Variants in SLC49A4 observed in about 807,000 individuals in gnomAD.
SLC49A4 encodes solute carrier family 49 member 4, also known as disrupted in renal cancer protein 2.
Under a neutral mutation model 50.6 loss-of-function variants are expected in SLC49A4, and 36 were observed. The observed-to-expected ratio is 0.71, with a 90% CI of 0.55 to 0.94. SLC49A4 has a LOEUF of 0.94. SLC49A4 is among the 40% of genes least tolerant of loss of function. SLC49A4 has a pLI of 0.00. For missense variants in SLC49A4, 503 were observed against 605.7 expected, an observed-to-expected ratio of 0.83 and a Z score of 1.78; for synonymous variants, 248 against 241.2, an observed-to-expected ratio of 1.03 and a Z score of -0.26.
intron 5 of SLC49A4, among the ~76,000 whole-genome samples, chr3:122,847,111 G>A (rs1478215834): frequency 6.6e-6 from 1 of 152,088 alleles, no homozygotes; most frequent in Non-Finnish European, 1.5e-5. Context: ...TAGAATCAAG[G>A]ACCATGCCCT....
intron 8 of SLC49A4, among the ~76,000 whole-genome samples, chr3:122,874,626 A>C (rs1232118391): frequency 2.0e-5 from 3 of 152,228 alleles, no homozygotes; most frequent in Non-Finnish European, 4.4e-5. Flanking sequence ...TTTTAGATTC[A>C]AGGAGTACAT....
At chr3:122,848,296 C>T (rs1936883846) in intron 5 of SLC49A4, among the ~76,000 whole-genome samples, 1 of 152,010 alleles carries the variant, frequency 6.6e-6, no homozygotes, top group African/African-American at 2.4e-5. Context: ...GTAAGCAAGT[C>T]TCCTTATATA....
chr3:122,848,293 A>G (rs745503997), intron 5 of SLC49A4, among the ~76,000 whole-genome samples: 1 of 152,110 alleles, frequency 6.6e-6, no homozygotes, highest in Non-Finnish European at 1.5e-5. Context: ...GTTGTAAGCA[A>G]GTCTCCTTAT....
At chr3:122,868,181 C>T (rs541489494) in intron 7 of SLC49A4, among the ~76,000 whole-genome samples, 9 of 151,374 alleles carry the variant, frequency 5.9e-5, no homozygotes, top group East Asian at 1.9e-4. Context: ...TGGTTTTTTA[C>T]GGGCACAAGG....
chr3:122,806,922 C>T lies in SLC49A4; in HGVS notation c.409C>T (p.Pro137Ser), dbSNP rs1350561973. ...MVLGTGLRCI[P>S]ISDLILKRRL... is the part of the protein sequence containing the mutation. The stretch of plus-strand genomic sequence containing the variant: ...TTTGGGAACTGGTCTAAGATGCATA[C>T]CTATATCAGACTTAATCCTTAAAAG... Residue 137 changes from proline to serine, a missense_variant, in exon 2 of 9, where the codon CCT becomes TCT. Pro to Ser is a moderately conservative substitution (Grantham distance 74). Coordinates refer to ENST00000261038, the MANE Select transcript of SLC49A4 (RefSeq NM_032839.3). 1.2e-6 allele frequency: 2 copies of T among 1,603,686 alleles called. No homozygotes were observed. Among genetic ancestry groups the T allele is most frequent in the East Asian group, 4.5e-5 (2 of 44,670 alleles).
intron 5 of SLC49A4, among the ~76,000 whole-genome samples, chr3:122,853,057 G>A (rs980668991): frequency 1.6e-4 from 24 of 152,150 alleles, no homozygotes; most frequent in Non-Finnish European, 3.2e-4. Flanking sequence ...TTTAGACTGG[G>A]TAATTTATAA....
chr3:122,825,899 A>G (rs1202669005), intron 2 of SLC49A4, among the ~76,000 whole-genome samples: 2 of 152,190 alleles, frequency 1.3e-5, no homozygotes, highest in Admixed American at 6.5e-5. Flanking sequence ...TTGGTCAACA[A>G]GGAACAGGAG....
chr3:122,851,440 G>C (rs907090759), intron 5 of SLC49A4, among the ~76,000 whole-genome samples: 1 of 151,750 alleles, frequency 6.6e-6, no homozygotes, highest in Non-Finnish European at 1.5e-5. Context: ...AGAATTATTG[G>C]TTGACAGTCA....
At chr3:122,820,032 A>T (rs1936429705) in intron 2 of SLC49A4, among the ~76,000 whole-genome samples, 1 of 152,196 alleles carries the variant, frequency 6.6e-6, no homozygotes, top group African/African-American at 2.4e-5. Flanking sequence ...TATCTGCCAG[A>T]TTTCTAAAAA....
At chr3:122,849,583 T>C (rs957776154) in intron 5 of SLC49A4, among the ~76,000 whole-genome samples, 3 of 152,218 alleles carry the variant, frequency 2.0e-5, no homozygotes, top group African/African-American at 7.2e-5. Flanking sequence ...TTAGTGATGC[T>C]GAACATTTCT....
chr3:122,836,504 C>T (rs977379059), intron 4 of SLC49A4, among the ~76,000 whole-genome samples: 1 of 152,086 alleles, frequency 6.6e-6, no homozygotes, highest in African/African-American at 2.4e-5. Context: ...ATGATGCTGG[C>T]CTCATAAAAT....
intron 5 of SLC49A4, among the ~76,000 whole-genome samples, chr3:122,849,949 A>G (rs1438951073): frequency 9.2e-5 from 14 of 152,136 alleles, no homozygotes; most frequent in Non-Finnish European, 8.8e-5. Flanking sequence ...TAGTAGTTTC[A>G]TAGTTTCAAG....
At chr3:122,817,930 T>G (rs1413800977) in intron 2 of SLC49A4, among the ~76,000 whole-genome samples, 2 of 151,988 alleles carry the variant, frequency 1.3e-5, no homozygotes, top group Admixed American at 1.3e-4. Flanking sequence ...TCTGTGCTGA[T>G]GAAGCAGACA....
chr3:122,857,237 C>G (rs1029569000), intron 6 of SLC49A4, among the ~76,000 whole-genome samples: 1 of 134,394 alleles, frequency 7.4e-6, no homozygotes, highest in Non-Finnish European at 1.5e-5. Context: ...ATTACAACAA[C>G]ACATTGTTAG....
chr3:122,820,398 G>A (rs1936434074), intron 2 of SLC49A4, among the ~76,000 whole-genome samples: 1 of 152,106 alleles, frequency 6.6e-6, no homozygotes, highest in Non-Finnish European at 1.5e-5. Flanking sequence ...GAAGGGGTTG[G>A]GTTATCTAGG....
At chr3:122,841,909 A>G (rs993992615) in intron 4 of SLC49A4, among the ~76,000 whole-genome samples, 1 of 151,414 alleles carries the variant, frequency 6.6e-6, no homozygotes, top group Non-Finnish European at 1.5e-5. Flanking sequence ...ACTTCTCTAT[A>G]GCACGTCGTA....
intron 3 of SLC49A4, among the ~76,000 whole-genome samples, chr3:122,832,156 C>T (rs1053123568): frequency 6.6e-6 from 1 of 152,106 alleles, no homozygotes; most frequent in Non-Finnish European, 1.5e-5. Context: ...CTCTAGAAAT[C>T]ACTAAATTCA....
At chr3:122,869,395 A>T (rs535159209) in intron 7 of SLC49A4, among the ~76,000 whole-genome samples, 14 of 152,330 alleles carry the variant, frequency 9.2e-5, no homozygotes, top group South Asian at 8.3e-4. Flanking sequence ...ATATTATTAT[A>T]ATACATACAG....
intron 1 of SLC49A4, among the ~76,000 whole-genome samples, chr3:122,798,580 G>A (rs1300692392): frequency 2.7e-5 from 4 of 148,646 alleles, no homozygotes; most frequent in Admixed American, 6.7e-5. Context: ...TTCCATCTAC[G>A]CACGTAGAAA....
Sources: allele counts gnomAD v4.1 joint callset (sites outside exome capture counted in the v4.1 genomes callset), GRCh38; gene constraint gnomAD v4.1.1; transcripts MANE v1.5; gene names NCBI Gene and HGNC (gene_info 2026-07-23, HGNC 2026-07-21).